Variants in FAM227B observed in about 807,000 individuals in gnomAD.
FAM227B encodes family with sequence similarity 227 member B, also known as protein FAM227B.
In FAM227B, 88 loss-of-function variants were observed where a neutral mutation model predicts 73.8. That is an observed-to-expected ratio of 1.19 (90% confidence interval 1.00 to 1.42). FAM227B has a LOEUF of 1.42. Ranked by LOEUF, FAM227B falls within the 40% of genes most tolerant of loss-of-function variation. FAM227B has a pLI of 0.00. For missense variants in FAM227B, 632 were observed against 590.9 expected (o/e 1.07, Z -0.72); for synonymous variants, 210 against 190.5 (o/e 1.10, Z -0.84).
chr15:49,370,686 A>G (rs2043036), intron 12 of FAM227B, among the ~76,000 whole-genome samples: 63,961 of 152,048 alleles, frequency 0.42, 13,626 homozygotes, highest in African/African-American at 0.45. Flanking sequence ...CAAAATTTTA[A>G]CAATAAAGAC....
rs1353787619 is a variant in FAM227B at position 49,597,930 on chromosome 15, T to C, written c.106-7923A>G. Reference sequence around the variant, plus strand: ...CTCATAGATTAAACCAGGAAAAAAATAGAAACTCTGAACAGACAAATAATG... The same window carrying C: ...CTCATAGATTAAACCAGGAAAAAAACAGAAACTCTGAACAGACAAATAATG... On this transcript the variant is annotated intron_variant, in intron 3 of 15. Coordinates refer to ENST00000299338, the MANE Select transcript of FAM227B (RefSeq NM_152647.3). Among the ~76,000 whole-genome samples the C allele has an allele frequency of 1.1e-4, 16 of 151,370 alleles. 1 individual carries two copies. Among genetic ancestry groups the C allele is most frequent in the Admixed American group, 1.1e-3 (16 of 15,212 alleles).
intron 11 of FAM227B, among the ~76,000 whole-genome samples, chr15:49,391,331 A>T (rs2047200179): frequency 6.6e-6 from 1 of 152,112 alleles, no homozygotes; most frequent in Non-Finnish European, 1.5e-5. Context: ...AAATAAGGGA[A>T]AAGGCTTGAG....
chr15:49,587,913 G>A, intron 5 of FAM227B, 103 bp downstream of exon 5: 1 of 1,040,316 alleles, frequency 9.6e-7, no homozygotes, highest in Non-Finnish European at 1.3e-6. Context: ...AGACTAAAAG[G>A]ACATTTACAA....
At chr15:49,483,124 G>C (rs1224460053) in intron 11 of FAM227B, 1 of 1,231,826 alleles carries the variant, frequency 8.1e-7, no homozygotes, top group South Asian at 1.2e-5. Flanking sequence ...ACGAATATTT[G>C]ACATGTCTTT....
At chr15:49,595,159 C>T (rs973884923) in intron 3 of FAM227B, among the ~76,000 whole-genome samples, 1 of 151,756 alleles carries the variant, frequency 6.6e-6, no homozygotes, top group Non-Finnish European at 1.5e-5. Flanking sequence ...AGACATACTC[C>T]TAAGTATTTT....
chr15:49,431,131 T>C (rs2151786714), intron 11 of FAM227B, among the ~76,000 whole-genome samples: 1 of 151,942 alleles, frequency 6.6e-6, no homozygotes, highest in Non-Finnish European at 1.5e-5. Flanking sequence ...ACTTAAGTAA[T>C]ATGGAGAAAA....
chr15:49,328,196 A>G lies in FAM227B; in HGVS notation c.*372T>C. The stretch of plus-strand genomic sequence containing the variant: ...AAGTCTGAGAGAAACTACTTAGGGC[A>G]CTTAGGAATTGGCAGGACTTTCTGT... On this transcript the variant is annotated 3_prime_UTR_variant, in exon 16 of 16. Coordinates refer to ENST00000299338, the MANE Select transcript of FAM227B (RefSeq NM_152647.3). 1 of 1,579,230 alleles carries G rather than the reference A, an allele frequency of 6.3e-7. No homozygotes were observed. Among genetic ancestry groups the G allele is most frequent in the Non-Finnish European group, 8.6e-7 (1 of 1,160,504 alleles).
chr15:49,568,165 T>C (rs1467461989), intron 9 of FAM227B, 80 bp downstream of exon 9: 4 of 1,212,928 alleles, frequency 3.3e-6, no homozygotes, highest in Non-Finnish European at 4.6e-6. Flanking sequence ...TATTCTCATA[T>C]GGGTTTAAAT....
Position 49,383,665 on chromosome 15 carries a change from A to C in FAM227B, c.1013-12266T>G, listed in dbSNP as rs547286049. Among the ~76,000 whole-genome samples, 484 of 152,244 alleles carry C rather than the reference A, an allele frequency of 3.2e-3. 5 individuals carry two copies. Among genetic ancestry groups the C allele is most frequent in the African/African-American group, 0.011 (464 of 41,550 alleles). ...TGAAAACTGGCAAAAAATATTTCTA[A>C]CAGAATGACAGATGAAACAAAAACC... On this transcript the variant is annotated intron_variant, in intron 11 of 15. Transcript: ENST00000299338.
At chr15:49,468,737 T>G (rs911287489) in intron 11 of FAM227B, among the ~76,000 whole-genome samples, 1 of 152,108 alleles carries the variant, frequency 6.6e-6, no homozygotes, top group East Asian at 1.9e-4. Context: ...ACTCAAACAT[T>G]GAATCATTCC....
chr15:49,450,364 C>G (rs900466934), intron 11 of FAM227B, among the ~76,000 whole-genome samples: 12 of 151,980 alleles, frequency 7.9e-5, no homozygotes, highest in African/African-American at 2.9e-4. Context: ...ATTTCTCTGG[C>G]CTATGTCACT....
intron 11 of FAM227B, among the ~76,000 whole-genome samples, chr15:49,443,767 C>A (rs748647740): frequency 2.6e-5 from 4 of 151,600 alleles, no homozygotes; most frequent in African/African-American, 7.3e-5. Flanking sequence ...TCTATTACAA[C>A]CATGGTTTGG....
rs553667259 is a variant in FAM227B at position 49,574,772 on chromosome 15, T to G, written c.645+239A>C. 9 of 237,512 alleles carry G rather than the reference T, an allele frequency of 3.8e-5. 1 individual carries two copies. The South Asian group carries it at 5.7e-4, about 15-fold the overall frequency. 14.7% of individuals were successfully genotyped at this position (237,512 alleles called of 1,614,324 possible). A position where few individuals can be genotyped will look rare whatever the true frequency, so the allele number is the denominator to read the frequency against. On this transcript the variant is annotated intron_variant, in intron 8 of 15. Transcript: ENST00000299338. Reference sequence around the variant, plus strand: ...ATATAATATGTGATATATATTATGATAGATATAATATATGAAGTCTAATTT... The same window carrying G: ...ATATAATATGTGATATATATTATGAGAGATATAATATATGAAGTCTAATTT...
chr15:49,408,069 A>G (rs1469628188), intron 11 of FAM227B, among the ~76,000 whole-genome samples: 1 of 152,104 alleles, frequency 6.6e-6, no homozygotes, highest in Non-Finnish European at 1.5e-5. Flanking sequence ...TGTATCCCAC[A>G]TTTCCTCTTG....
chr15:49,449,453 T>A (rs1404445263), intron 11 of FAM227B, among the ~76,000 whole-genome samples: 1 of 152,008 alleles, frequency 6.6e-6, no homozygotes, highest in African/African-American at 2.4e-5. Context: ...TAAACATGAT[T>A]TCTCAGATTT....
At position 49,489,819 on chromosome 15, in the gene FAM227B, ATT is replaced by A. The variant is rs1203386943; in HGVS notation, c.1012+18390_1012+18391del. Among the ~76,000 whole-genome samples, 75 of 58,666 alleles carry A rather than the reference ATT, an allele frequency of 1.3e-3. 2 individuals carry two copies. The highest frequency in any genetic ancestry group is 6.9e-3 in the Middle Eastern group (1 of 144). The allele number at this position is 58,666 out of a possible 152,430, so 38.5% of individuals were successfully genotyped here. On this transcript the variant is annotated intron_variant, in intron 11 of 15. Transcript: ENST00000299338. Reference sequence around the variant, plus strand: ...ATATATATTTTATATATATATATATATTTTATATATATATATATATTTTATAT... The same window carrying A: ...ATATATATTTTATATATATATATATATTATATATATATATATATTTTATAT...
Position 49,571,660 on chromosome 15 carries a change from G to T in FAM227B, c.646-3314C>A, listed in dbSNP as rs1049038167. On this transcript the variant is annotated intron_variant, in intron 8 of 15. Coordinates refer to ENST00000299338, the MANE Select transcript of FAM227B (RefSeq NM_152647.3). ...TGTTGAAAACCAATTAGTTGTAAAC[G>T]CGTAGATTCATTTGGGGGCTCTCTT... Among the ~76,000 whole-genome samples, 7 of 151,986 alleles carry T rather than the reference G, an allele frequency of 4.6e-5. 2 individuals carry two copies. The highest frequency in any genetic ancestry group is 4.6e-4 in the Admixed American group (7 of 15,244).
At chr15:49,543,064 G>A (rs1271110408) in intron 9 of FAM227B, among the ~76,000 whole-genome samples, 1 of 152,092 alleles carries the variant, frequency 6.6e-6, no homozygotes, top group Non-Finnish European at 1.5e-5. Context: ...TCTACTTTTA[G>A]TTCTTTGAGT....
rs1373308583 is a variant in FAM227B at position 49,551,287 on chromosome 15, G to C, written c.748-9481C>G. On this transcript the variant is annotated intron_variant, in intron 9 of 15. Transcript: ENST00000299338. ...AGAGGGAGAGGGAGAGGGAGAGGGA[G>C]AGGACGCATATGTATTTTTAAATTG... 3.3e-5 allele frequency among the ~76,000 whole-genome samples: 5 copies of C among 152,088 alleles called. No homozygotes were observed. In the East Asian group the frequency reaches 9.7e-4, roughly 29 times the overall value.
Sources: gnomAD v4.1 joint callset for allele counts (sites outside exome capture counted in the v4.1 genomes callset) on GRCh38, gnomAD v4.1.1 for gene constraint, MANE v1.5 for transcripts, NCBI Gene and HGNC (gene_info 2026-07-23, HGNC 2026-07-21) for gene names.